MCUB: variants seen among roughly 807,000 people sequenced by gnomAD.
The protein encoded by MCUB is mitochondrial calcium uniporter dominant negative subunit beta.
A neutral mutation model predicts 41.4 loss-of-function variants in MCUB; 46 were observed. The ratio of observed to expected loss-of-function variants is 1.11; its 90% confidence interval spans 0.88 to 1.42. The LOEUF is 1.42. Among genes scored for constraint, MCUB ranks in the 40% most tolerant of loss-of-function variants. The probability of loss-of-function intolerance (pLI) is 0.00; values close to 1 mark genes in which losing one functional copy is unlikely to be tolerated. For synonymous variants in MCUB, 148 were observed against 148.2 expected, an observed-to-expected ratio of 1.00 and a Z score of 0.01; for missense variants, 403 against 404.9, an observed-to-expected ratio of 1.00 and a Z score of 0.04.
chr4:109,659,825 T>G (rs1019249782), intron 2 of MCUB, among the ~76,000 whole-genome samples: 2 of 152,058 alleles, frequency 1.3e-5, no homozygotes, highest in East Asian at 3.9e-4. Context: ...CCAGACTTAA[T>G]TTTCGTATAT....
At chr4:109,585,584 T>C (rs933513213) in intron 1 of MCUB, among the ~76,000 whole-genome samples, 1 of 152,228 alleles carries the variant, frequency 6.6e-6, no homozygotes, top group Non-Finnish European at 1.5e-5. Context: ...CAGTGGCTGG[T>C]ACTGGTTGTT....
At chr4:109,666,718 A>G (rs1386817399) in intron 4 of MCUB, among the ~76,000 whole-genome samples, 2 of 152,136 alleles carry the variant, frequency 1.3e-5, no homozygotes, top group Non-Finnish European at 2.9e-5. Context: ...ATTTTCTCCC[A>G]GGCTATGGCT....
rs544684865 is a variant in MCUB, at chr4:109,609,302, A to G, written c.99+48866A>G. 9.9e-5 allele frequency among the ~76,000 whole-genome samples: 15 copies of G among 152,284 alleles called. 1 individual carries two copies. In the South Asian group the frequency reaches 2.5e-3, roughly 25 times the overall value. On this transcript the variant is annotated intron_variant, in intron 1 of 7. Coordinates refer to ENST00000394650, the MANE Select transcript of MCUB (RefSeq NM_017918.5). ...CTAGGGCTGCTGGTTGCCCATTTTTATGGTTATTTCTTGATGATATGCTAA... is the reference window on the plus strand; with the variant it reads ...CTAGGGCTGCTGGTTGCCCATTTTTGTGGTTATTTCTTGATGATATGCTAA...
intron 1 of MCUB, among the ~76,000 whole-genome samples, chr4:109,576,320 G>A (rs1421323065): frequency 6.6e-6 from 1 of 152,234 alleles, no homozygotes; most frequent in East Asian, 1.9e-4. Flanking sequence ...AGTCAAGTAG[G>A]TATTTGTTTC....
chr4:109,637,404 C>T (rs1217751824), intron 1 of MCUB, among the ~76,000 whole-genome samples: 1 of 152,136 alleles, frequency 6.6e-6, no homozygotes, highest in African/African-American at 2.4e-5. Context: ...CAAGTATCTA[C>T]CCAGGGGAAA....
At chr4:109,616,442 G>T (rs1728129310) in intron 1 of MCUB, among the ~76,000 whole-genome samples, 2 of 152,158 alleles carry the variant, frequency 1.3e-5, no homozygotes, top group South Asian at 2.1e-4. Context: ...TGTCCATGTT[G>T]TGAGCCATTT....
In MCUB at chr4:109,596,755, G is replaced by A. The variant is rs529638893; in HGVS notation, c.99+36319G>A. Reference sequence around the variant, plus strand: ...TTTTTTTTTTAATTTATTTTTTATTGATCATTCTTGGGTGTTTCTCACAGA... The same window carrying A: ...TTTTTTTTTTAATTTATTTTTTATTAATCATTCTTGGGTGTTTCTCACAGA... On this transcript the variant is annotated intron_variant, in intron 1 of 7. Coordinates refer to ENST00000394650, the MANE Select transcript of MCUB (RefSeq NM_017918.5). 2.1e-5 allele frequency among the ~76,000 whole-genome samples: 3 copies of A among 142,318 alleles called. No homozygotes were observed. In the South Asian group the frequency reaches 6.7e-4, roughly 32 times the overall value. The allele number at this position is 142,318 out of a possible 152,430, so 93.4% of individuals were successfully genotyped here.
chr4:109,645,044 A>G (rs996104976), intron 1 of MCUB, among the ~76,000 whole-genome samples: 2 of 152,150 alleles, frequency 1.3e-5, no homozygotes, highest in African/African-American at 2.4e-5. Context: ...ACTCCCACAC[A>G]TATCTAACAG....
At chr4:109,684,718 A>C (rs553448078) in intron 6 of MCUB, 72 bp downstream of exon 6, 3 of 740,802 alleles carry the variant, frequency 4.0e-6, no homozygotes, top group African/African-American at 3.5e-5. Flanking sequence ...GCAATGAGCA[A>C]AAAAGCCTTT....
intron 1 of MCUB, among the ~76,000 whole-genome samples, chr4:109,568,257 T>C (rs1206475383): frequency 6.6e-6 from 1 of 152,240 alleles, no homozygotes; most frequent in African/African-American, 2.4e-5. Flanking sequence ...AGAGAAAATA[T>C]AGTTCCTTTG....
intron 4 of MCUB, among the ~76,000 whole-genome samples, chr4:109,672,490 C>T (rs1008516464): frequency 1.4e-4 from 22 of 152,096 alleles, no homozygotes; most frequent in African/African-American, 5.3e-4. Flanking sequence ...GCTTCTTCTC[C>T]CAGTAAGCTA....
chr4:109,643,662 G>T (rs1728769575), intron 1 of MCUB, among the ~76,000 whole-genome samples: 2 of 151,930 alleles, frequency 1.3e-5, no homozygotes, highest in Non-Finnish European at 2.9e-5. Flanking sequence ...GCATCACCAT[G>T]CCCAGCTAAT....
intron 1 of MCUB, among the ~76,000 whole-genome samples, chr4:109,580,183 T>A (rs1727137136): frequency 1.3e-5 from 2 of 152,220 alleles, no homozygotes; most frequent in African/African-American, 4.8e-5. Context: ...TCCAGCTGCA[T>A]CCATGTCCCT....
rs550312537 is a variant in MCUB, at chr4:109,687,765, G to C, written c.*173G>C. On this transcript the variant is annotated 3_prime_UTR_variant, in exon 8 of 8. Coordinates refer to ENST00000394650, the MANE Select transcript of MCUB (RefSeq NM_017918.5). Reference sequence around the variant, plus strand: ...AGATTTTTACTTTTTGGATTTTTATGACTTGCTAATGTTAGAAAGGGCTTG... The same window carrying C: ...AGATTTTTACTTTTTGGATTTTTATCACTTGCTAATGTTAGAAAGGGCTTG... 2 of 587,412 alleles carry C rather than the reference G, an allele frequency of 3.4e-6. No homozygotes were observed. The highest frequency in any genetic ancestry group is 6.0e-6 in the Non-Finnish European group (2 of 334,576). 36.4% of individuals were successfully genotyped at this position (587,412 alleles called of 1,614,324 possible). A position where few individuals can be genotyped will look rare whatever the true frequency, so the allele number is the denominator to read the frequency against.
intron 1 of MCUB, among the ~76,000 whole-genome samples, chr4:109,617,028 T>TA (rs1196224951): frequency 6.8e-6 from 1 of 147,748 alleles, no homozygotes; most frequent in African/African-American, 2.5e-5. Context: ...TTTGCACCTC[T>TA]AGTTGATGTC....
At chr4:109,621,702 A>G (rs545016625) in intron 1 of MCUB, among the ~76,000 whole-genome samples, 5 of 152,320 alleles carry the variant, frequency 3.3e-5, no homozygotes, top group African/African-American at 9.6e-5. Flanking sequence ...GAGTATATTA[A>G]ATAGAGCATT....
At chr4:109,634,477 CTG>C (rs1423668232) in intron 1 of MCUB, among the ~76,000 whole-genome samples, 1 of 128,812 alleles carries the variant, frequency 7.8e-6, no homozygotes, top group African/African-American at 3.0e-5. Context: ...GAGCGAAACT[CTG>C]TCTCAGAAAA....
chr4:109,620,685 G>A (rs1375733046), intron 1 of MCUB, among the ~76,000 whole-genome samples: 1 of 151,812 alleles, frequency 6.6e-6, no homozygotes, highest in Non-Finnish European at 1.5e-5. Context: ...GATGTAAAGA[G>A]ACTGGCAGTT....
At position 109,688,089 on chromosome 4, in the gene MCUB, A is replaced by C. The variant is rs1729892595; in HGVS notation, c.*497A>C. ...TTTTATCATTTATCAAAAAGGCATAAATGTTCCACCAACCATAAAGTATAG... is the reference window on the plus strand; with the variant it reads ...TTTTATCATTTATCAAAAAGGCATACATGTTCCACCAACCATAAAGTATAG... On this transcript the variant is annotated 3_prime_UTR_variant, in exon 8 of 8. Transcript: ENST00000394650. The C allele has an allele frequency of 6.6e-6, 1 of 152,538 alleles. No individual in the cohort carries two copies. Among genetic ancestry groups the C allele is most frequent in the East Asian group, 1.9e-4 (1 of 5,208 alleles). 9.4% of individuals were successfully genotyped at this position (152,538 alleles called of 1,614,324 possible). A position where few individuals can be genotyped will look rare whatever the true frequency, so the allele number is the denominator to read the frequency against.
Sources: gnomAD v4.1 joint callset for allele counts (sites outside exome capture counted in the v4.1 genomes callset) on GRCh38, gnomAD v4.1.1 for gene constraint, MANE v1.5 for transcripts, NCBI Gene and HGNC (gene_info 2026-07-23, HGNC 2026-07-21) for gene names.